Variants in HTT observed in about 807,000 individuals in gnomAD.
HTT encodes huntingtin.
HTT carries 104 observed loss-of-function variants against 362.3 expected under a neutral mutation model. The observed-to-expected ratio is 0.29, with a 90% CI of 0.24 to 0.34. HTT has a LOEUF of 0.34. HTT is among the 10% of genes least tolerant of loss of function. The pLI is 1.00. For missense variants in HTT, 3,301 were observed against 3,928.6 expected (o/e 0.84, Z 4.27); for synonymous variants, 1,577 against 1,548.7 (o/e 1.02, Z -0.43).
rs181257745 is a variant in HTT at position 3,090,727 on chromosome 4, A to T, written c.347+3705A>T. 1.3e-3 allele frequency among the ~76,000 whole-genome samples: 200 copies of T among 152,366 alleles called. 1 individual carries two copies. Among genetic ancestry groups the T allele is most frequent in the Admixed American group, 0.012 (184 of 15,300 alleles). ...TGAATTTTCTCTAAATTAACACAGA[A>T]ATTTAAAATAATCTTGATCAAAATT... On this transcript the variant is annotated intron_variant, in intron 2 of 66. Transcript: ENST00000355072.
At position 3,216,993 on chromosome 4, in the gene HTT, C is replaced by T. The variant is rs551379494; in HGVS notation, c.7055-772C>T. On this transcript the variant is annotated intron_variant, in intron 51 of 66. Transcript: ENST00000355072. ...TGAGCCGAGATCCCGCCACTGCACTCCAGCCTGGGCGACAGAGCAAGACTC... is the reference window on the plus strand; with the variant it reads ...TGAGCCGAGATCCCGCCACTGCACTTCAGCCTGGGCGACAGAGCAAGACTC... Among the ~76,000 whole-genome samples the T allele has an allele frequency of 1.2e-4, 18 of 151,272 alleles. No individual in the cohort carries two copies. In the South Asian group the frequency reaches 3.8e-3, roughly 32 times the overall value.
rs781353727 is a variant in HTT at position 3,127,497 on chromosome 4, A to G, written c.1636A>G (p.Met546Val). The stretch of plus-strand genomic sequence containing the variant: ...CAGCGCCGTCCCATCTGACCCTGCC[A>G]TGGACCTGAATGATGGGACCCAGGC... ...QVSAVPSDPA[M>V]DLNDGTQASS... is the part of the protein sequence containing the mutation. The change falls in exon 12 of 67, where the codon ATG (methionine) becomes GTG (valine). Residue 546 changes from methionine (M) to valine (V), a missense_variant. By Grantham distance (21) the Met-to-Val change is conservative. Transcript: ENST00000355072. The G allele has an allele frequency of 4.3e-6, 7 of 1,614,178 alleles. No individual in the cohort carries two copies. Among genetic ancestry groups the G allele is most frequent in the South Asian group, 2.2e-5 (2 of 91,088 alleles).
intron 1 of HTT, among the ~76,000 whole-genome samples, chr4:3,084,583 G>A (rs988713425): frequency 3.3e-5 from 5 of 151,930 alleles, no homozygotes; most frequent in Non-Finnish European, 5.9e-5. Flanking sequence ...CCAGCTACTT[G>A]GGAGGCTGAG....
At chr4:3,151,059 A>C (rs67950027) in intron 26 of HTT, among the ~76,000 whole-genome samples, 42,088 of 138,836 alleles carry the variant, frequency 0.3, 6,641 homozygotes, top group East Asian at 0.41. Context: ...CAAAACAAAA[A>C]AAAAAAAAAC....
chr4:3,188,665 A>T, intron 39 of HTT: 1 of 252,370 alleles, frequency 4.0e-6, no homozygotes, highest in East Asian at 1.0e-4. Flanking sequence ...TTGATGATAC[A>T]TTAAATTCCT....
chr4:3,206,988 T>C lies in HTT; in HGVS notation c.6075+5T>C, dbSNP rs376658886. On this transcript the variant is annotated splice_donor_5th_base_variant and intron_variant, in intron 44 of 66. Coordinates refer to ENST00000355072, the MANE Select transcript of HTT (RefSeq NM_001388492.1). This position sits in a 1 kb window ranked among gnomAD's most constrained non-coding sequence, Gnocchi z 4.6. ...CTTCTGGCTGCAAATTTACAGGTAT[T>C]GGGAAGAGAAACCCTGATATTGATT... The C allele has an allele frequency of 1.8e-5, 29 of 1,602,866 alleles. No individual in the cohort carries two copies. Among genetic ancestry groups the C allele is most frequent in the Non-Finnish European group, 2.4e-5 (28 of 1,175,746 alleles).
chr4:3,135,474 T>C (rs1395286026), intron 19 of HTT, among the ~76,000 whole-genome samples: 1 of 151,862 alleles, frequency 6.6e-6, no homozygotes, highest in Non-Finnish European at 1.5e-5. Flanking sequence ...CCACCTTTTA[T>C]AGAGCCCTTG....
At chr4:3,201,611 A>C (rs912513212) in intron 41 of HTT, among the ~76,000 whole-genome samples, 2 of 151,962 alleles carry the variant, frequency 1.3e-5, no homozygotes, top group African/African-American at 4.8e-5. Flanking sequence ...ATCGTTCTTT[A>C]ATGGTAATGT....
chr4:3,132,480 T>C, intron 16 of HTT, 82 bp from the exon 17 acceptor site: 1 of 1,206,484 alleles, frequency 8.3e-7, no homozygotes, highest in Non-Finnish European at 1.2e-6. Context: ...CTTTTTCTCT[T>C]TCCTGAGAAT....
intron 45 of HTT, among the ~76,000 whole-genome samples, chr4:3,208,567 A>C (rs1010124395): frequency 2.6e-5 from 4 of 152,212 alleles, no homozygotes; most frequent in Admixed American, 2.6e-4. Flanking sequence ...TAGGGCCTGC[A>C]TTTGTATCAT....
At chr4:3,117,270 T>C (rs1019825444) in intron 8 of HTT, among the ~76,000 whole-genome samples, 3 of 152,168 alleles carry the variant, frequency 2.0e-5, no homozygotes, top group Non-Finnish European at 4.4e-5. Flanking sequence ...GCTGAGTGTT[T>C]TGTTGAGTAA....
intron 53 of HTT, among the ~76,000 whole-genome samples, chr4:3,220,759 C>T (rs1238750381): frequency 6.6e-6 from 1 of 152,134 alleles, no homozygotes; most frequent in African/African-American, 2.4e-5. Context: ...TCGCCTTCCC[C>T]AGAGCCTAGA....
intron 29 of HTT, among the ~76,000 whole-genome samples, chr4:3,166,685 C>G (rs781645067): frequency 6.6e-6 from 1 of 152,216 alleles, no homozygotes; most frequent in African/African-American, 2.4e-5. Context: ...CATCCCAGGT[C>G]GATTTCAGAG....
intron 8 of HTT, among the ~76,000 whole-genome samples, chr4:3,120,394 A>G (rs772148447): frequency 6.6e-6 from 1 of 152,224 alleles, no homozygotes; most frequent in Non-Finnish European, 1.5e-5. Context: ...TAAATTCATT[A>G]TGTTCATATA....
chr4:3,144,327 T>C (rs1716493253), intron 23 of HTT, among the ~76,000 whole-genome samples: 1 of 152,200 alleles, frequency 6.6e-6, no homozygotes. Flanking sequence ...CTTTTTATTT[T>C]TATTTTTTGA....
In HTT at chr4:3,217,755, G is replaced by C; in HGVS notation, c.7055-10G>C. The stretch of plus-strand genomic sequence containing the variant: ...TTTAAAAAGTCCTCTCTTAACCGTT[G>C]CTTGTTTAGATCCTAAGTATATCAC... On this transcript the variant is annotated splice_polypyrimidine_tract_variant and intron_variant, in intron 51 of 66. Transcript: ENST00000355072. 6.2e-6 allele frequency: 10 copies of C among 1,606,316 alleles called. No individual in the cohort carries two copies. The highest frequency in any genetic ancestry group is 8.5e-6 in the Non-Finnish European group (10 of 1,174,920).
rs373598584 is a variant in HTT at position 3,209,809 on chromosome 4, C to T, written c.6292-18C>T. The T allele has an allele frequency of 1.9e-6, 3 of 1,613,018 alleles. No individual in the cohort carries two copies. The highest frequency in any genetic ancestry group is 2.5e-6 in the Non-Finnish European group (3 of 1,179,534). ...ACGCCGCCCATCATGTTCCCCTTAT[C>T]CATTTTTTTCTTCCCAGGACTGGTA... On this transcript the variant is annotated intron_variant, in intron 46 of 66. Coordinates refer to ENST00000355072, the MANE Select transcript of HTT (RefSeq NM_001388492.1).
chr4:3,215,766 A>G (rs193086231), intron 51 of HTT, among the ~76,000 whole-genome samples: 15 of 152,256 alleles, frequency 9.9e-5, no homozygotes, highest in Non-Finnish European at 4.4e-5. Flanking sequence ...AGACTTAGAC[A>G]TATACTACGG....
chr4:3,234,555 A>G lies in HTT; in HGVS notation c.8457-729A>G, dbSNP rs377179119. Among the ~76,000 whole-genome samples the G allele has an allele frequency of 4.9e-4, 75 of 152,348 alleles. 3 individuals are homozygous for G. The highest frequency in any genetic ancestry group is 2.7e-3 in the East Asian group (14 of 5,172). The stretch of plus-strand genomic sequence containing the variant: ...CTGTGCTGGTGTGTTGGGCTGTTCT[A>G]TGGCTCTTGCTGTGGGCATGGAGGA... On this transcript the variant is annotated intron_variant, in intron 61 of 66. Transcript: ENST00000355072.
Sources: gnomAD v4.1 joint callset for allele counts (sites outside exome capture counted in the v4.1 genomes callset) on GRCh38, gnomAD v4.1.1 for gene constraint, Gnocchi (gnomAD v3.1) non-coding constraint, MANE v1.5 for transcripts, NCBI Gene and HGNC (gene_info 2026-07-23, HGNC 2026-07-21) for gene names.